The following LSS variants were observed in gnomAD, a reference collection of about 807,000 sequenced individuals.
The protein encoded by LSS is lanosterol synthase.
A neutral mutation model predicts 110.3 loss-of-function variants in LSS; 90 were observed. That is an observed-to-expected ratio of 0.82 (90% CI 0.69 to 0.97). The LOEUF is 0.97. Ranked by LOEUF, LSS falls within the 50% of genes least tolerant of loss-of-function variation. The pLI, the probability that LSS is intolerant of heterozygous loss-of-function variation, is 0.00. For synonymous variants in LSS, 433 were observed against 400.0 expected, an observed-to-expected ratio of 1.08 and a Z score of -0.98; for missense variants, 927 against 990.0, an observed-to-expected ratio of 0.94 and a Z score of 0.85.
intron 12 of LSS, among the ~76,000 whole-genome samples, chr21:46,210,159 C>T (rs895370543): frequency 2.0e-5 from 3 of 151,446 alleles, no homozygotes; most frequent in East Asian, 1.9e-4. Context: ...CTCCACTTCC[C>T]GGGTTCAAGC....
Position 46,190,954 on chromosome 21 carries a change from G to C in LSS, c.*150C>G, listed in dbSNP as rs1475056695. ...AGCCACCCACCCTGTCCCCATCCCT[G>C]CCTCCAGCCTGGCCCCCAGATTCAC... On this transcript the variant is annotated 3_prime_UTR_variant, in exon 22 of 22. Coordinates refer to ENST00000397728, the MANE Select transcript of LSS (RefSeq NM_002340.6). This position sits in a 1 kb window ranked among gnomAD's most constrained non-coding sequence, Gnocchi z 4.6. 2 of 856,678 alleles carry C rather than the reference G, an allele frequency of 2.3e-6. No homozygotes were observed. Among genetic ancestry groups the C allele is most frequent in the African/African-American group, 4.4e-5 (2 of 45,520 alleles). 53.1% of individuals were successfully genotyped at this position (856,678 alleles called of 1,614,324 possible). A position where few individuals can be genotyped will look rare whatever the true frequency, so the allele number is the denominator to read the frequency against.
At position 46,213,724 on chromosome 21, in the gene LSS, C is replaced by T. The variant is rs1034042066; in HGVS notation, c.1109+14G>A. 2.5e-6 allele frequency: 4 copies of T among 1,610,620 alleles called. No homozygotes were observed. The highest frequency in any genetic ancestry group is 1.1e-5 in the South Asian group (1 of 90,378). On this transcript the variant is annotated intron_variant, in intron 10 of 21. Coordinates refer to ENST00000397728, the MANE Select transcript of LSS (RefSeq NM_002340.6). ...TCGTGAGAGGCCCCGCCAGCATATC[C>T]CAGCCACACTCACCAGAGATAGTCC...
chr21:46,198,042 A>AT (rs1453259724), intron 17 of LSS, among the ~76,000 whole-genome samples: 1 of 152,172 alleles, frequency 6.6e-6, no homozygotes, highest in Admixed American at 6.5e-5. Flanking sequence ...ATATATAATC[A>AT]TCTCAAAGCA....
intron 5 of LSS, 32 bp downstream of exon 5, chr21:46,221,822 C>T (rs1373125593): frequency 5.6e-6 from 9 of 1,613,204 alleles, no homozygotes; most frequent in East Asian, 2.2e-5. Context: ...TGACACGAAC[C>T]CCTGGCCCAG....
Position 46,189,174 on chromosome 21 carries a change from G to A in LSS, c.*1930C>T, listed in dbSNP as rs559393019. The A allele has an allele frequency of 4.6e-6, 1 of 219,522 alleles. No homozygotes were observed. Among genetic ancestry groups the A allele is most frequent in the Non-Finnish European group, 9.3e-6 (1 of 107,980 alleles). The allele number at this position is 219,522 out of a possible 1,614,324, so 13.6% of individuals were successfully genotyped here. On this transcript the variant is annotated 3_prime_UTR_variant, in exon 22 of 22. Coordinates refer to ENST00000397728, the MANE Select transcript of LSS (RefSeq NM_002340.6). The stretch of plus-strand genomic sequence containing the variant: ...TTTATTAAGGCAGATGCTCATAAAA[G>A]TGACTTTCAGTAACATTTTCAGTAT...
At chr21:46,210,843 GGCT>G in intron 11 of LSS, 99 bp from the exon 12 acceptor site, 1 of 1,139,648 alleles carries the variant, frequency 8.8e-7, no homozygotes, top group East Asian at 2.5e-5. Flanking sequence ...CAGGTGTGGG[GGCT>G]CCCACCCAGC....
rs1269861654 is a variant in LSS, at chr21:46,228,532, T to C, written c.82A>G (p.Asn28Asp). Residue 28 changes from asparagine (N) to aspartate (D), a missense_variant, in exon 2 of 22, where the codon AAC (asparagine) becomes GAC (aspartate). Asn to Asp is a conservative substitution (Grantham distance 23). Coordinates refer to ENST00000397728, the MANE Select transcript of LSS (RefSeq NM_002340.6). ...PATDLGRWRLNCERGRQTWTY... is the reference protein window; with the variant it reads ...PATDLGRWRLDCERGRQTWTY... ...CACGTCTGCCGGCCCCTCTCGCAGT[T>C]GAGTCGCCAGCGGCCGAGGTCGGTG... The C allele has an allele frequency of 6.3e-7, 1 of 1,599,916 alleles. No homozygotes were observed. The highest frequency in any genetic ancestry group is 8.5e-7 in the Non-Finnish European group (1 of 1,178,806).
Position 46,219,550 on chromosome 21 carries a change from G to T in LSS, c.573C>A (p.Ser191=). The T allele has an allele frequency of 6.2e-7, 1 of 1,600,964 alleles. No homozygotes were observed. Residue 191 remains serine (S), a synonymous_variant, in exon 6 of 22, where the codon TCC becomes TCA. Transcript: ENST00000397728. ...GGACAGCCAGCCAGAACTTCCCCCAGGAGGGGATGGCCACAGCACCACCTG... is the reference window on the plus strand; with the variant it reads ...GGACAGCCAGCCAGAACTTCCCCCATGAGGGGATGGCCACAGCACCACCTG... The part of the protein sequence containing the change: ...HKKGGAVAIP[S]WGKFWLAVLN...
At chr21:46,201,743 T>C (rs528198077) in intron 17 of LSS, among the ~76,000 whole-genome samples, 1 of 152,216 alleles carries the variant, frequency 6.6e-6, no homozygotes, top group South Asian at 2.1e-4. Context: ...ATAAATAGTG[T>C]TAAAGTAACT....
intron 3 of LSS, chr21:46,224,594 G>C (rs1054181896): frequency 6.6e-6 from 1 of 152,130 alleles, no homozygotes; most frequent in Admixed American, 6.6e-5. Context: ...TTATAATGTT[G>C]TTAGGACGGG....
At position 46,190,623 on chromosome 21, in the gene LSS, T is replaced by C. The variant is rs1446050368; in HGVS notation, c.*481A>G. 1.1e-4 allele frequency: 18 copies of C among 167,612 alleles called. No individual in the cohort carries two copies. Among genetic ancestry groups the C allele is most frequent in the East Asian group, 3.3e-4 (2 of 6,006 alleles). The allele number at this position is 167,612 out of a possible 1,614,324, so 10.4% of individuals were successfully genotyped here. On this transcript the variant is annotated 3_prime_UTR_variant, in exon 22 of 22. Coordinates refer to ENST00000397728, the MANE Select transcript of LSS (RefSeq NM_002340.6). This position sits in a 1 kb window ranked among gnomAD's most constrained non-coding sequence, Gnocchi z 4.6. Reference sequence around the variant, plus strand: ...ATTCACGGATGCACACTACCTGCCATTGTCACAGGGTTGCCCTCGTGTCCC... The same window carrying C: ...ATTCACGGATGCACACTACCTGCCACTGTCACAGGGTTGCCCTCGTGTCCC...
rs1343513326 is a variant in LSS at position 46,210,728 on chromosome 21, T to C, written c.1154A>G (p.Gln385Arg). Residue 385 changes from glutamine to arginine, a missense_variant, in exon 12 of 22, where the codon CAG becomes CGG. Coordinates refer to ENST00000397728, the MANE Select transcript of LSS (RefSeq NM_002340.6). The stretch of plus-strand genomic sequence containing the variant: ...GATGGCGAATGCGGTGTCCCAGATC[T>C]GTGAGCCGTTGGTGCCCTACACACA... ...GMKMQGTNGS[Q>R]IWDTAFAIQA... 1.2e-6 allele frequency: 2 copies of C among 1,613,964 alleles called. No homozygotes were observed. The highest frequency in any genetic ancestry group is 1.7e-6 in the Non-Finnish European group (2 of 1,180,008).
chr21:46,214,888 C>G (rs1313077425), intron 9 of LSS, among the ~76,000 whole-genome samples: 1 of 152,100 alleles, frequency 6.6e-6, no homozygotes, highest in Non-Finnish European at 1.5e-5. Flanking sequence ...AGCTAGCCAG[C>G]AAGATCTCAG....
rs1466625812 is a variant in LSS at position 46,188,753 on chromosome 21, C to T, written c.*2351G>A. 2 of 471,118 alleles carry T rather than the reference C, an allele frequency of 4.2e-6. No individual in the cohort carries two copies. Among genetic ancestry groups the T allele is most frequent in the Non-Finnish European group, 8.8e-6 (2 of 227,114 alleles). The allele number at this position is 471,118 out of a possible 1,614,324, so 29.2% of individuals were successfully genotyped here. On this transcript the variant is annotated 3_prime_UTR_variant, in exon 22 of 22. Coordinates refer to ENST00000397728, the MANE Select transcript of LSS (RefSeq NM_002340.6). ...AAGACTGAAGGCAGGGATACTGACA[C>T]TGAAGTCCTGCCTGTGTAATAACAC...
chr21:46,203,267 C>T (rs933091519), intron 17 of LSS, among the ~76,000 whole-genome samples: 2 of 149,478 alleles, frequency 1.3e-5, no homozygotes, highest in African/African-American at 5.1e-5. Context: ...AGCTAAAAAA[C>T]AACAAGGAAA....
At position 46,188,843 on chromosome 21, in the gene LSS, TGAAA is replaced by T. The variant is rs1326334134; in HGVS notation, c.*2257_*2260del. 2.2e-6 allele frequency: 1 copy of T among 460,646 alleles called. No homozygotes were observed. The highest frequency in any genetic ancestry group is 2.0e-5 in the African/African-American group (1 of 49,698). The allele number at this position is 460,646 out of a possible 1,614,324, so 28.5% of individuals were successfully genotyped here. A position where few individuals can be genotyped will look rare whatever the true frequency, so the allele number is the denominator to read the frequency against. ...GCCACTGTGAAGGAAAACAATGCAGTGAAAGAAAGTTCCTCCTATGTGGACATTG... is the reference window on the plus strand; with the variant it reads ...GCCACTGTGAAGGAAAACAATGCAGTGAAAGTTCCTCCTATGTGGACATTG... On this transcript the variant is annotated 3_prime_UTR_variant, in exon 22 of 22. Transcript: ENST00000397728.
At chr21:46,226,782 G>A (rs2080346311) in intron 3 of LSS, among the ~76,000 whole-genome samples, 1 of 152,204 alleles carries the variant, frequency 6.6e-6, no homozygotes, top group Non-Finnish European at 1.5e-5. Context: ...CAATTTGGAT[G>A]AGTAAATGAA....
intron 3 of LSS, chr21:46,225,404 G>C: frequency 2.2e-6 from 1 of 449,766 alleles, no homozygotes; most frequent in Non-Finnish European, 4.4e-6. Flanking sequence ...TAGCGGTAGC[G>C]TCAGTGTCAA....
intron 17 of LSS, among the ~76,000 whole-genome samples, chr21:46,204,634 A>G (rs114334512): frequency 0.039 from 5,904 of 151,624 alleles, 158 homozygotes; most frequent in Middle Eastern, 0.1. Context: ...AAAAAAAAAG[A>G]AAGAAAGAAA....
Sources: gnomAD v4.1 joint callset for allele counts (sites outside exome capture counted in the v4.1 genomes callset) on GRCh38, gnomAD v4.1.1 for gene constraint, Gnocchi (gnomAD v3.1) non-coding constraint, MANE v1.5 for transcripts, NCBI Gene and HGNC (gene_info 2026-07-23, HGNC 2026-07-21) for gene names.